The following NTNG1 variants were observed in gnomAD, a reference collection of about 807,000 sequenced individuals.
NTNG1 encodes netrin-G1.
NTNG1 carries 16 observed loss-of-function variants against 54.0 expected under a neutral mutation model. The ratio of observed to expected loss-of-function variants is 0.30; its 90% CI spans 0.20 to 0.45. The LOEUF is 0.45. Among genes scored for constraint, NTNG1 ranks in the 20% least tolerant of loss-of-function variants. NTNG1 has a pLI of 1.00. For missense variants in NTNG1, 530 were observed against 678.7 expected (o/e 0.78, Z 2.43); for synonymous variants, 255 against 263.1 (o/e 0.97, Z 0.30).
At chr1:107,380,532 C>A (rs374221103) in intron 3 of NTNG1, among the ~76,000 whole-genome samples, 8 of 152,124 alleles carry the variant, frequency 5.3e-5, no homozygotes, top group East Asian at 1.9e-4. Context: ...AAGTAAAACA[C>A]CATTACACTG....
intron 2 of NTNG1, among the ~76,000 whole-genome samples, chr1:107,195,489 G>A (rs1455712213): frequency 6.6e-5 from 10 of 151,874 alleles, no homozygotes; most frequent in Admixed American, 5.3e-4. Flanking sequence ...TTGCTCAAAA[G>A]TCTGTAAGAG....
chr1:107,260,673 TC>T (rs1663254753), intron 2 of NTNG1: 1 of 152,130 alleles, frequency 6.6e-6, no homozygotes, highest in Non-Finnish European at 1.5e-5. Context: ...TGTTTGACAT[TC>T]TCCCATCTAG....
rs114782323 is a variant in NTNG1, at chr1:107,448,373, A to G, written c.1390+11574A>G. ...GGCAGTTATCCCCATTTAACAGATG[A>G]TGAATGGACTGAGGCCCAGAGAGGC... On this transcript the variant is annotated intron_variant, in intron 7 of 7. Transcript: ENST00000370068. Among the ~76,000 whole-genome samples the G allele has an allele frequency of 7.1e-3, 1,085 of 152,220 alleles. 8 individuals are homozygous for G. Among genetic ancestry groups the G allele is most frequent in the South Asian group, 0.014 (69 of 4,822 alleles).
At chr1:107,333,359 G>C (rs1041556491) in intron 3 of NTNG1, among the ~76,000 whole-genome samples, 2 of 151,854 alleles carry the variant, frequency 1.3e-5, no homozygotes, top group Non-Finnish European at 2.9e-5. Context: ...TGTTTCTCAG[G>C]ATGTACTCTT....
intron 2 of NTNG1, among the ~76,000 whole-genome samples, chr1:107,204,885 CTTAGAGCTCCTAT>C (rs1659060672): frequency 6.6e-6 from 1 of 152,100 alleles, no homozygotes; most frequent in Admixed American, 6.6e-5. Context: ...AGAACTAAGG[CTTAGAGCTCCTAT>C]TGAGAGCAGG....
chr1:107,194,840 A>G lies in NTNG1; in HGVS notation c.246+46001A>G, dbSNP rs142048520. ...TCCTACTATATTTTTAATTAAAAGT[A>G]TCTATGGCGATCAACTAGAATATGG... On this transcript the variant is annotated intron_variant, in intron 2 of 7. Coordinates refer to ENST00000370068, the MANE Select transcript of NTNG1 (RefSeq NM_001113226.3). 2.6e-5 allele frequency among the ~76,000 whole-genome samples: 4 copies of G among 152,134 alleles called. No homozygotes were observed. The East Asian group carries it at 7.8e-4, about 29-fold the overall frequency.
Position 107,264,563 on chromosome 1 carries a change from G to T in NTNG1, c.247-59719G>T, listed in dbSNP as rs966493812. Among the ~76,000 whole-genome samples, 5 of 152,100 alleles carry T rather than the reference G, an allele frequency of 3.3e-5. No homozygotes were observed. The South Asian group carries it at 8.3e-4, about 25-fold the overall frequency. On this transcript the variant is annotated intron_variant, in intron 2 of 7. Transcript: ENST00000370068. ...GCTCCTTGGATTTTTCTATCATACT[G>T]CCCTCTATTCTCTGAGGATAATTCT...
chr1:107,431,570 A>C (rs748763013), intron 6 of NTNG1, among the ~76,000 whole-genome samples: 7 of 152,130 alleles, frequency 4.6e-5, no homozygotes, highest in Non-Finnish European at 1.0e-4. Context: ...GCCCCTGAGC[A>C]CTTTCCCTTC....
chr1:107,196,361 T>C (rs1419553469), intron 2 of NTNG1, among the ~76,000 whole-genome samples: 2 of 152,016 alleles, frequency 1.3e-5, no homozygotes, highest in African/African-American at 4.8e-5. Flanking sequence ...CATCTCACCT[T>C]ACTATATGGA....
chr1:107,184,341 C>T (rs920180268), intron 2 of NTNG1, among the ~76,000 whole-genome samples: 2 of 152,132 alleles, frequency 1.3e-5, no homozygotes, highest in Non-Finnish European at 2.9e-5. Context: ...CAGTCACTGT[C>T]CAACAGCAGT....
intron 3 of NTNG1, among the ~76,000 whole-genome samples, chr1:107,345,664 C>T (rs995406420): frequency 6.6e-6 from 1 of 152,138 alleles, no homozygotes; most frequent in South Asian, 2.1e-4. Context: ...GAATGTCACC[C>T]ACTGTATTTT....
At chr1:107,150,260 CAG>C (rs1390728975) in intron 2 of NTNG1, among the ~76,000 whole-genome samples, 1 of 152,106 alleles carries the variant, frequency 6.6e-6, no homozygotes, top group African/African-American at 2.4e-5. Flanking sequence ...TTTTGGAAAG[CAG>C]AGAGTTCCAG....
At chr1:107,426,771 T>G (rs1319971541) in intron 5 of NTNG1, among the ~76,000 whole-genome samples, 1 of 151,980 alleles carries the variant, frequency 6.6e-6, no homozygotes, top group Non-Finnish European at 1.5e-5. Flanking sequence ...TTGCTTTGAG[T>G]AATGGGTGAT....
chr1:107,175,820 A>G (rs555083904), intron 2 of NTNG1, among the ~76,000 whole-genome samples: 1 of 152,050 alleles, frequency 6.6e-6, no homozygotes, highest in Non-Finnish European at 1.5e-5. Flanking sequence ...GATTCATTTA[A>G]CATATGCATG....
At chr1:107,385,669 C>A (rs1406854777) in intron 3 of NTNG1, among the ~76,000 whole-genome samples, 1 of 151,736 alleles carries the variant, frequency 6.6e-6, no homozygotes, top group Non-Finnish European at 1.5e-5. Context: ...CTCCTAACAA[C>A]CCCTTTTGTA....
chr1:107,153,677 C>A (rs1654760377), intron 2 of NTNG1, among the ~76,000 whole-genome samples: 1 of 152,176 alleles, frequency 6.6e-6, no homozygotes, highest in East Asian at 1.9e-4. Flanking sequence ...CCTACAATAG[C>A]TCCTTACTAT....
chr1:107,198,869 T>A (rs751841210), intron 2 of NTNG1, among the ~76,000 whole-genome samples: 1 of 151,898 alleles, frequency 6.6e-6, no homozygotes, highest in Non-Finnish European at 1.5e-5. Context: ...TCCTGTATTC[T>A]GTCTCTATTA....
chr1:107,271,650 T>C (rs1455981436), intron 2 of NTNG1, among the ~76,000 whole-genome samples: 1 of 152,158 alleles, frequency 6.6e-6, no homozygotes, highest in Non-Finnish European at 1.5e-5. Flanking sequence ...TCATTAAAAA[T>C]AGATATTAGA....
At chr1:107,292,762 C>T (rs997035519) in intron 2 of NTNG1, among the ~76,000 whole-genome samples, 1 of 152,092 alleles carries the variant, frequency 6.6e-6, no homozygotes, top group African/African-American at 2.4e-5. Flanking sequence ...ATACGGACAG[C>T]CCACCCCAGG....
Sources: allele counts gnomAD v4.1 joint callset (sites outside exome capture counted in the v4.1 genomes callset), GRCh38; gene constraint gnomAD v4.1.1; transcripts MANE v1.5; gene names NCBI Gene and HGNC (gene_info 2026-07-23, HGNC 2026-07-21).